MCFD2: variants seen among roughly 807,000 people sequenced by gnomAD.
MCFD2 encodes the protein multiple coagulation factor deficiency 2, ER cargo receptor complex subunit.
Under a neutral mutation model 12.8 loss-of-function variants are expected in MCFD2, and 11 were observed. The observed-to-expected ratio is 0.86, with a 90% CI of 0.54 to 1.42. The LOEUF (loss-of-function observed/expected upper bound fraction) is 1.42, where lower values mean the gene tolerates loss of function less well. Among genes scored for constraint, MCFD2 ranks in the 40% most tolerant of loss-of-function variants. The probability of loss-of-function intolerance (pLI) is 0.00; values close to 1 mark genes in which losing one functional copy is unlikely to be tolerated. For synonymous variants in MCFD2, 70 were observed against 68.1 expected (o/e 1.03, Z -0.14); for missense variants, 191 against 178.6 (o/e 1.07, Z -0.40).
intron 1 of MCFD2, among the ~76,000 whole-genome samples, chr2:46,925,205 C>T (rs569961277): frequency 1.9e-4 from 29 of 152,298 alleles, no homozygotes; most frequent in African/African-American, 6.3e-4. Context: ...ATCTTCCCAC[C>T]TCAGCATCCT....
At position 46,909,151 on chromosome 2, in the gene MCFD2, G is replaced by A. The variant is rs546229497; in HGVS notation, c.21C>T (p.Leu7=). Residue 7 remains leucine (L), a synonymous_variant, in exon 2 of 4, where the codon CTC becomes CTT. Transcript: ENST00000319466. MTMRSL[L]RTPFLCGLLW... is the part of the protein sequence containing the mutation. ...GCAGGCCACACAGGAAGGGGGTTCT[G>A]AGCAGGGATCTCATGGTCATCAATA... is the stretch of plus-strand genomic sequence containing the variant. The A allele has an allele frequency of 6.2e-7, 1 of 1,614,128 alleles. No individual in the cohort carries two copies. Among genetic ancestry groups the A allele is most frequent in the Admixed American group, 1.7e-5 (1 of 60,012 alleles).
In MCFD2 at chr2:46,940,104, C is replaced by T. The variant is rs1239788636; in HGVS notation, c.-8+1468G>A. 6.6e-6 allele frequency among the ~76,000 whole-genome samples: 1 copy of T among 152,072 alleles called. No individual in the cohort carries two copies. Among genetic ancestry groups the T allele is most frequent in the East Asian group, 1.9e-4 (1 of 5,160 alleles). ...GTCTTCAACTAATCACCCTGTGTGG[C>T]TTCATGTGAAAGGCCACACGGGACT... On this transcript the variant is annotated intron_variant, in intron 1 of 2. Coordinates refer to the MCFD2 transcript ENST00000409147. The surrounding 1 kb of genome is among the most constrained non-coding windows in gnomAD (Gnocchi z 4.7).
Position 46,907,662 on chromosome 2 carries a change from GC to G in MCFD2, c.309+147del. On this transcript the variant is annotated intron_variant, in intron 3 of 3. Coordinates refer to ENST00000319466, the MANE Select transcript of MCFD2 (RefSeq NM_139279.6). This position sits in a 1 kb window ranked among gnomAD's most constrained non-coding sequence, Gnocchi z 4.1. ...TCCTTCCACTTTGGCCTCCCAAAGT[GC>G]TGGGATTACAGATGCGAGCCATCAT... is the stretch of plus-strand genomic sequence containing the variant. 1.1e-6 allele frequency: 1 copy of G among 875,098 alleles called. No homozygotes were observed. Among genetic ancestry groups the G allele is most frequent in the Non-Finnish European group, 1.8e-6 (1 of 542,786 alleles). 54.2% of individuals were successfully genotyped at this position (875,098 alleles called of 1,614,324 possible). A position where few individuals can be genotyped will look rare whatever the true frequency, so the allele number is the denominator to read the frequency against.
At chr2:46,922,236 G>A (rs1328204385) in intron 1 of MCFD2, among the ~76,000 whole-genome samples, 1 of 152,124 alleles carries the variant, frequency 6.6e-6, no homozygotes, top group Non-Finnish European at 1.5e-5. Flanking sequence ...TGTTGCATTA[G>A]GCCTATACCA....
At chr2:46,925,705 T>G (rs2103819974) in intron 1 of MCFD2, among the ~76,000 whole-genome samples, 1 of 152,320 alleles carries the variant, frequency 6.6e-6, no homozygotes, top group Non-Finnish European at 1.5e-5. Context: ...AACCCATGTT[T>G]ATTTTTCATT....
intron 1 of MCFD2, among the ~76,000 whole-genome samples, chr2:46,934,180 T>C (rs1669849379): frequency 6.6e-6 from 1 of 152,244 alleles, no homozygotes; most frequent in Non-Finnish European, 1.5e-5. Context: ...TGCAGGAAAC[T>C]CTTACCCAGG....
chr2:46,935,688 G>A (rs1669943968), intron 1 of MCFD2, among the ~76,000 whole-genome samples: 1 of 152,184 alleles, frequency 6.6e-6, no homozygotes, highest in Admixed American at 6.5e-5. Flanking sequence ...CCCCTGACTC[G>A]GAAACAGGGT....
rs1558460249 is a variant in MCFD2 at position 46,905,614 on chromosome 2, CAA to C, written c.310-22_310-21del. 6.5e-7 allele frequency: 1 copy of C among 1,529,044 alleles called. No homozygotes were observed. The highest frequency in any genetic ancestry group is 2.5e-5 in the East Asian group (1 of 39,420). The allele number at this position is 1,529,044 out of a possible 1,614,324, so 94.7% of individuals were successfully genotyped here. ...CCCTTCCTACAAAATACAAATTAGA[CAA>C]TGATGAGTTGCGCATTTTACCGGAA... On this transcript the variant is annotated intron_variant, in intron 3 of 3. Coordinates refer to ENST00000319466, the MANE Select transcript of MCFD2 (RefSeq NM_139279.6).
intron 1 of MCFD2, among the ~76,000 whole-genome samples, chr2:46,912,201 T>C (rs1349589098): frequency 6.6e-6 from 1 of 152,188 alleles, no homozygotes; most frequent in African/African-American, 2.4e-5. Context: ...TTGCTGGGCA[T>C]GGTGGCGTGC....
chr2:46,930,864 A>C (rs1179341059), intron 1 of MCFD2, among the ~76,000 whole-genome samples: 2 of 152,218 alleles, frequency 1.3e-5, no homozygotes, highest in African/African-American at 4.8e-5. Flanking sequence ...AAATAGCTGA[A>C]TGGAAAAATA....
chr2:46,918,030 T>C (rs1236540864), upstream of MCFD2, among the ~76,000 whole-genome samples: 1 of 152,236 alleles, frequency 6.6e-6, no homozygotes, highest in Non-Finnish European at 1.5e-5. Flanking sequence ...CATTTATAAA[T>C]AGATGACTCC....
chr2:46,923,459 G>C (rs1042779031), intron 1 of MCFD2, among the ~76,000 whole-genome samples: 3 of 152,192 alleles, frequency 2.0e-5, no homozygotes, highest in Non-Finnish European at 4.4e-5. Context: ...CTAGAAAACA[G>C]GGTCAAAGAC....
rs1356704940 is a variant in MCFD2 at position 46,923,328 on chromosome 2, C to T, written c.-7-15359G>A. Reference sequence around the variant, plus strand: ...AAGAGTCCCAACCTTCTAATCACACCTTGGTCTTTCCAGTAAAGAGCTGTC... The same window carrying T: ...AAGAGTCCCAACCTTCTAATCACACTTTGGTCTTTCCAGTAAAGAGCTGTC... On this transcript the variant is annotated intron_variant, in intron 1 of 2. Coordinates refer to the MCFD2 transcript ENST00000409147. Among the ~76,000 whole-genome samples, 35 of 151,864 alleles carry T rather than the reference C, an allele frequency of 2.3e-4. 1 individual carries two copies. The highest frequency in any genetic ancestry group is 2.3e-3 in the Admixed American group (35 of 15,256).
chr2:46,906,592 C>T (rs1668250257), intron 3 of MCFD2, among the ~76,000 whole-genome samples: 1 of 146,848 alleles, frequency 6.8e-6, no homozygotes, highest in South Asian at 2.2e-4. Flanking sequence ...CTCAGGTGTT[C>T]CTCCCCACTA....
At chr2:46,924,626 C>A (rs1558474999) in intron 1 of MCFD2, among the ~76,000 whole-genome samples, 1 of 147,616 alleles carries the variant, frequency 6.8e-6, no homozygotes, top group African/African-American at 2.5e-5. Context: ...TGGATATTTT[C>A]TTTTTTTTTT....
In MCFD2 at chr2:46,905,304, TTCTCTTA is replaced by T. The variant is rs1668172268; in HGVS notation, c.*152_*158del. 1.3e-6 allele frequency: 1 copy of T among 761,174 alleles called. No individual in the cohort carries two copies. The highest frequency in any genetic ancestry group is 2.0e-5 in the Admixed American group (1 of 50,686). 47.2% of individuals were successfully genotyped at this position (761,174 alleles called of 1,614,324 possible). On this transcript the variant is annotated 3_prime_UTR_variant, in exon 4 of 4. Transcript: ENST00000319466. The stretch of plus-strand genomic sequence containing the variant: ...ATGTCCCATTTCTCTTCTCTTTCAT[TTCTCTTA>T]TCTCTTCTCACCCCAGTGTAACGAA...
intron 1 of MCFD2, 144 bp from the exon 2 acceptor site, chr2:46,909,321 C>A: frequency 1.0e-6 from 1 of 979,644 alleles, no homozygotes; most frequent in Non-Finnish European, 1.5e-6. Context: ...AATGCCAGCT[C>A]TGCTTTGAGA....
Position 46,941,587 on chromosome 2 carries a change from G to A in MCFD2, c.-23C>T, listed in dbSNP as rs775389933. On this transcript the variant is annotated 5_prime_UTR_variant, in exon 1 of 3. Coordinates refer to the MCFD2 transcript ENST00000409147. The surrounding 1 kb of genome is among the most constrained non-coding windows in gnomAD (Gnocchi z 4.2). ...CGGCTCCTACCTGAAGGTGGAGAGCGAGCTGGAGCGCTGCCGCGCCGAGGG... is the reference window on the plus strand; with the variant it reads ...CGGCTCCTACCTGAAGGTGGAGAGCAAGCTGGAGCGCTGCCGCGCCGAGGG... The A allele has an allele frequency of 4.2e-5, 66 of 1,557,230 alleles. No individual in the cohort carries two copies. Among genetic ancestry groups the A allele is most frequent in the Non-Finnish European group, 5.0e-5 (57 of 1,151,192 alleles).
chr2:46,920,480 C>T (rs941947283), upstream of MCFD2, among the ~76,000 whole-genome samples: 5 of 151,966 alleles, frequency 3.3e-5, no homozygotes, highest in Non-Finnish European at 7.4e-5. Context: ...CAGGCAACAA[C>T]CACCACGCCC....
Sources: gnomAD v4.1 joint callset for allele counts (sites outside exome capture counted in the v4.1 genomes callset) on GRCh38, gnomAD v4.1.1 for gene constraint, Gnocchi (gnomAD v3.1) non-coding constraint, MANE v1.5 for transcripts, NCBI Gene and HGNC (gene_info 2026-07-23, HGNC 2026-07-21) for gene names.